Variants in ZC4H2 observed in about 807,000 individuals in gnomAD.
The protein encoded by ZC4H2 is zinc finger C4H2-type containing, also known as zinc finger C4H2 domain-containing protein.
For missense variants in ZC4H2, 137 were observed against 173.9 expected (o/e 0.79, Z 1.19); for synonymous variants, 84 against 66.3 (o/e 1.27, Z -1.30).
At chrX:64,953,393 A>C in intron 1 of ZC4H2, among the ~76,000 whole-genome samples, 1 of 112,025 alleles carries the variant, frequency 8.9e-6, no homozygotes, top group Non-Finnish European at 1.9e-5. Flanking sequence ...CAACCTACAG[A>C]ATGGGAGAAA....
At chrX:64,965,949 CAAAA>C (rs148777993) in intron 1 of ZC4H2, among the ~76,000 whole-genome samples, 7 of 37,586 alleles carry the variant, frequency 1.9e-4, no homozygotes, top group African/African-American at 1.1e-3. Flanking sequence ...AACAAAGAAG[CAAAA>C]AAAAAAAAAA....
intron 1 of ZC4H2, among the ~76,000 whole-genome samples, chrX:65,024,255 T>C (rs887597895): frequency 1.0e-4 from 11 of 110,068 alleles, no homozygotes; most frequent in African/African-American, 3.6e-4. Context: ...ACTTAAAGTA[T>C]AATAAAAAAA....
At chrX:65,003,803 G>A (rs1250147286) in intron 1 of ZC4H2, among the ~76,000 whole-genome samples, 5 of 109,180 alleles carry the variant, frequency 4.6e-5, no homozygotes, top group African/African-American at 1.3e-4. Flanking sequence ...CGTGAACCCC[G>A]GAGGCAGAGC....
At chrX:64,960,005 G>GA (rs1271739987) in intron 1 of ZC4H2, among the ~76,000 whole-genome samples, 3 of 110,833 alleles carry the variant, frequency 2.7e-5, no homozygotes, top group Non-Finnish European at 3.8e-5. Context: ...ACTAAAAACA[G>GA]AAAAAAACTG....
At chrX:65,005,425 C>G (rs979362911) in intron 1 of ZC4H2, among the ~76,000 whole-genome samples, 4 of 111,163 alleles carry the variant, frequency 3.6e-5, no homozygotes, top group African/African-American at 1.3e-4. Context: ...GAAATAATGC[C>G]ACACATCTAG....
intron 1 of ZC4H2, among the ~76,000 whole-genome samples, chrX:65,009,103 T>C (rs1932716746): frequency 8.9e-6 from 1 of 111,915 alleles, no homozygotes; most frequent in Non-Finnish European, 1.9e-5. Flanking sequence ...CTATTATGTA[T>C]CCATAATAAT....
At chrX:65,011,547 T>A (rs762248849) in intron 1 of ZC4H2, among the ~76,000 whole-genome samples, 1 of 111,272 alleles carries the variant, frequency 9.0e-6, no homozygotes, top group East Asian at 2.8e-4. Context: ...CAGATTATGG[T>A]AGTAAACCAA....
intron 1 of ZC4H2, among the ~76,000 whole-genome samples, chrX:64,946,053 C>T (rs907416280): frequency 2.7e-5 from 3 of 110,832 alleles, no homozygotes; most frequent in African/African-American, 9.9e-5. Context: ...GATCACTTGG[C>T]TTTCTGGCTT....
intron 1 of ZC4H2, among the ~76,000 whole-genome samples, chrX:64,944,360 G>T (rs892378857): frequency 9.2e-6 from 1 of 109,117 alleles, no homozygotes. Flanking sequence ...AGCCAGGATG[G>T]TCTCAATCTC....
chrX:64,924,452 G>A (rs1762593796), intron 1 of ZC4H2, among the ~76,000 whole-genome samples: 1 of 111,832 alleles, frequency 8.9e-6, no homozygotes, highest in Non-Finnish European at 1.9e-5. Context: ...TATATAGACA[G>A]CAAGTTTCAT....
chrX:64,952,527 GACAA>G (rs1291642398), intron 1 of ZC4H2, among the ~76,000 whole-genome samples: 2 of 110,806 alleles, frequency 1.8e-5, no homozygotes, highest in Non-Finnish European at 1.9e-5. Flanking sequence ...ACCAATAACA[GACAA>G]ACAGAGAGCC....
intron 1 of ZC4H2, among the ~76,000 whole-genome samples, chrX:65,015,121 T>A (rs1293261270): frequency 9.0e-6 from 1 of 111,572 alleles, no homozygotes; most frequent in African/African-American, 3.3e-5. Context: ...AGAATAAAAA[T>A]TCCTTTTCAT....
chrX:64,997,688 G>C (rs1193762070), intron 1 of ZC4H2, among the ~76,000 whole-genome samples: 2 of 111,943 alleles, frequency 1.8e-5, no homozygotes, highest in African/African-American at 6.5e-5. Context: ...GGTCATTGCA[G>C]CCTCGATCAC....
At chrX:64,968,885 C>A (rs1931681356) in intron 1 of ZC4H2, among the ~76,000 whole-genome samples, 2 of 111,542 alleles carry the variant, frequency 1.8e-5, no homozygotes, top group South Asian at 7.6e-4. Context: ...GATCAATGTG[C>A]CAACAGATTT....
At chrX:65,022,393 C>A (rs1932843297) in intron 1 of ZC4H2, among the ~76,000 whole-genome samples, 1 of 111,503 alleles carries the variant, frequency 9.0e-6, no homozygotes, top group Non-Finnish European at 1.9e-5. Flanking sequence ...ATAAATGTAA[C>A]CCATCATATA....
intron 1 of ZC4H2, among the ~76,000 whole-genome samples, chrX:65,033,864 G>A (rs1303556691): frequency 2.7e-5 from 3 of 111,017 alleles, no homozygotes; most frequent in Middle Eastern, 4.7e-3. Context: ...GGAGGCGGGC[G>A]GATCACTTGA....
At chrX:64,978,921 T>C (rs1425229353), upstream of ZC4H2, among the ~76,000 whole-genome samples, 1 of 111,602 alleles carries the variant, frequency 9.0e-6, no homozygotes, top group East Asian at 2.8e-4. Context: ...AATGTCTCTC[T>C]CTTTTTCCAT....
intron 1 of ZC4H2, among the ~76,000 whole-genome samples, chrX:64,930,724 C>A (rs1261710285): frequency 8.9e-6 from 1 of 111,802 alleles, no homozygotes; most frequent in Non-Finnish European, 1.9e-5. Flanking sequence ...CTGACTTGAT[C>A]ATGGTGTATT....
rs1044977874 is a variant in ZC4H2, at chrX:65,004,630, A to G, written c.-272+29999T>C. On this transcript the variant is annotated intron_variant, in intron 1 of 4. Coordinates refer to the ZC4H2 transcript ENST00000337990. Reference sequence around the variant, plus strand: ...ACAAACCCACATCCAATATTGTACTATATGGGCAAAAGCTGGAAGTATTCT... The same window carrying G: ...ACAAACCCACATCCAATATTGTACTGTATGGGCAAAAGCTGGAAGTATTCT... Among the ~76,000 whole-genome samples, 23 of 112,036 alleles carry G rather than the reference A, an allele frequency of 2.1e-4. No individual in the cohort carries two copies. The Admixed American group carries it at 2.2e-3, about 11-fold the overall frequency.
Sources: allele counts gnomAD v4.1 joint callset (sites outside exome capture counted in the v4.1 genomes callset), GRCh38; gene constraint gnomAD v4.1.1; transcripts MANE v1.5; gene names NCBI Gene and HGNC (gene_info 2026-07-23, HGNC 2026-07-21).